The following UBXN8 variants were observed in gnomAD, a reference collection of about 807,000 sequenced individuals.
The protein encoded by UBXN8 is UBX domain protein 8.
UBXN8 carries 27 observed loss-of-function variants against 32.1 expected under a neutral mutation model. That is an observed-to-expected ratio of 0.84 (90% CI 0.62 to 1.16). UBXN8 has a LOEUF of 1.16. Ranked by LOEUF, UBXN8 falls within the 50% of genes most tolerant of loss-of-function variation. The probability of loss-of-function intolerance (pLI) is 0.00; values close to 1 mark genes in which losing one functional copy is unlikely to be tolerated. For synonymous variants in UBXN8, 109 were observed against 111.8 expected, an observed-to-expected ratio of 0.98 and a Z score of 0.16; for missense variants, 306 against 311.4, an observed-to-expected ratio of 0.98 and a Z score of 0.13.
chr8:30,745,567 TAAGAA>T (rs1297920163), intron 1 of UBXN8, among the ~76,000 whole-genome samples: 1 of 152,118 alleles, frequency 6.6e-6, no homozygotes, highest in East Asian at 1.9e-4. Flanking sequence ...TTGCGTGCAA[TAAGAA>T]ATGAAAATAA....
At chr8:30,748,957 C>T (rs973731231) in intron 1 of UBXN8, among the ~76,000 whole-genome samples, 1 of 152,200 alleles carries the variant, frequency 6.6e-6, no homozygotes, top group Non-Finnish European at 1.5e-5. Context: ...ATTAAAAACA[C>T]AAAACGAGTA....
upstream of UBXN8, among the ~76,000 whole-genome samples, chr8:30,730,819 G>T (rs1222210234): frequency 6.6e-6 from 1 of 152,222 alleles, no homozygotes; most frequent in Non-Finnish European, 1.5e-5. Flanking sequence ...AAGCGCAGAA[G>T]ACATTAGAAG....
At chr8:30,760,985 C>A in intron 6 of UBXN8, 56 bp downstream of exon 6, 1 of 1,272,740 alleles carries the variant, frequency 7.9e-7, no homozygotes, top group Non-Finnish European at 1.1e-6. Context: ...CTTTGCTTAA[C>A]ATCCATTAAA....
Position 30,766,452 on chromosome 8 carries a change from C to G in UBXN8, c.*58C>G. On this transcript the variant is annotated 3_prime_UTR_variant, in exon 8 of 8. Coordinates refer to ENST00000265616, the MANE Select transcript of UBXN8 (RefSeq NM_005671.4). The stretch of plus-strand genomic sequence containing the variant: ...TCAGTTATGCTATGACCTTCTGGCA[C>G]AATAAAGGCTTCACTTTCAAATCAC... 4 of 1,448,824 alleles carry G rather than the reference C, an allele frequency of 2.8e-6. No homozygotes were observed. The South Asian group carries it at 5.8e-5, about 21-fold the overall frequency. 89.7% of individuals were successfully genotyped at this position (1,448,824 alleles called of 1,614,324 possible).
rs187511164 is a variant in UBXN8, at chr8:30,762,250, T to A, written c.571-1023T>A. Among the ~76,000 whole-genome samples the A allele has an allele frequency of 9.7e-3, 1,468 of 151,814 alleles. 27 individuals carry two copies. Among genetic ancestry groups the A allele is most frequent in the African/African-American group, 0.034 (1,388 of 41,410 alleles). On this transcript the variant is annotated intron_variant, in intron 6 of 7. Coordinates refer to ENST00000265616, the MANE Select transcript of UBXN8 (RefSeq NM_005671.4). ...GACTAATTTTTAAATTAAAAAAAAATTTTTTTTGGTAAAGATTGGGTCTCA... is the reference window on the plus strand; with the variant it reads ...GACTAATTTTTAAATTAAAAAAAAAATTTTTTTGGTAAAGATTGGGTCTCA...
intron 5 of UBXN8, among the ~76,000 whole-genome samples, chr8:30,757,369 G>A (rs1805690234): frequency 6.6e-6 from 1 of 151,872 alleles, no homozygotes; most frequent in East Asian, 1.9e-4. Flanking sequence ...GGCCAACATG[G>A]TGAAACCCCA....
upstream of UBXN8, among the ~76,000 whole-genome samples, chr8:30,743,110 A>ACC (rs1805248147): frequency 6.6e-6 from 1 of 151,960 alleles, no homozygotes; most frequent in Non-Finnish European, 1.5e-5. Flanking sequence ...TGTTGGGATT[A>ACC]CAGGCGTGAG....
intron 1 of UBXN8, among the ~76,000 whole-genome samples, chr8:30,738,194 A>G (rs1160789458): frequency 6.6e-6 from 1 of 152,076 alleles, no homozygotes; most frequent in African/African-American, 2.4e-5. Context: ...ACTTAGATAA[A>G]TTGTCATCAA....
chr8:30,743,608 G>GA (rs1805266566), upstream of UBXN8, among the ~76,000 whole-genome samples: 1 of 152,212 alleles, frequency 6.6e-6, no homozygotes, highest in Non-Finnish European at 1.5e-5. Context: ...CTGAAAAGGG[G>GA]CGGAACAAGG....
upstream of UBXN8, chr8:30,732,545 G>T (rs1006847781): frequency 6.4e-6 from 2 of 313,636 alleles, no homozygotes; most frequent in South Asian, 3.2e-4. Context: ...CTAAGCCTTT[G>T]TATGAGGTCA....
chr8:30,746,515 A>ATTTTTTTTTTTTTTTTTTTTTT (rs58215831), intron 1 of UBXN8, among the ~76,000 whole-genome samples: 2 of 121,400 alleles, frequency 1.6e-5, no homozygotes, highest in African/African-American at 6.6e-5. Context: ...CTTAAGCTAG[A>ATTTTTTTTTTTTTTTTTTTTTT]TTTTTTTTTT....
chr8:30,765,014 C>T (rs1805961538), intron 7 of UBXN8, among the ~76,000 whole-genome samples: 1 of 152,328 alleles, frequency 6.6e-6, no homozygotes. Flanking sequence ...CGTGCCACTG[C>T]ACTCCAGTCT....
At chr8:30,738,625 C>A (rs1805121339) in intron 1 of UBXN8, among the ~76,000 whole-genome samples, 1 of 142,364 alleles carries the variant, frequency 7.0e-6, no homozygotes, top group Non-Finnish European at 1.5e-5. Context: ...CGTGCCACTG[C>A]ACTCCAGCCT....
At chr8:30,756,989 C>G in intron 5 of UBXN8, 102 bp downstream of exon 5, 1 of 1,488,344 alleles carries the variant, frequency 6.7e-7, no homozygotes, top group East Asian at 2.4e-5. Context: ...ACTGGCCTTT[C>G]ATCCAGATGG....
upstream of UBXN8, chr8:30,744,128 C>T: frequency 3.9e-6 from 6 of 1,537,386 alleles, no homozygotes; most frequent in South Asian, 2.3e-5. Flanking sequence ...GTTCCACTTC[C>T]TTCCCGGAAA....
chr8:30,758,013 A>G (rs1010086664), intron 5 of UBXN8, among the ~76,000 whole-genome samples: 5 of 151,898 alleles, frequency 3.3e-5, no homozygotes, highest in Non-Finnish European at 5.9e-5. Context: ...CTCCTGCCTC[A>G]GCCTCCCGAG....
intron 1 of UBXN8, among the ~76,000 whole-genome samples, chr8:30,750,498 C>T (rs1488874046): frequency 2.7e-5 from 4 of 150,642 alleles, no homozygotes; most frequent in Non-Finnish European, 5.9e-5. Context: ...GTCGGCCGGG[C>T]ACGGTGGCTC....
At chr8:30,763,435 A>G in intron 7 of UBXN8, 88 bp downstream of exon 7, 1 of 1,287,032 alleles carries the variant, frequency 7.8e-7, no homozygotes, top group Middle Eastern at 1.8e-4. Flanking sequence ...GTGTGATCAC[A>G]CTGTCATCTG....
Position 30,764,233 on chromosome 8 carries a change from C to T in UBXN8, c.645+886C>T, listed in dbSNP as rs538411530. ...CTTCAATGACAAGAATGCTATAAAC[C>T]GTAATGGAAAATACTGGATTTGACT... is the stretch of plus-strand genomic sequence containing the variant. On this transcript the variant is annotated intron_variant, in intron 7 of 7. Transcript: ENST00000265616. Among the ~76,000 whole-genome samples the T allele has an allele frequency of 1.6e-4, 25 of 152,210 alleles. 1 individual carries two copies. In the South Asian group the frequency reaches 4.8e-3, roughly 29 times the overall value.
Sources: allele counts gnomAD v4.1 joint callset (sites outside exome capture counted in the v4.1 genomes callset), GRCh38; gene constraint gnomAD v4.1.1; transcripts MANE v1.5; gene names NCBI Gene and HGNC (gene_info 2026-07-23, HGNC 2026-07-21).